Variants in C2CD5 observed in about 807,000 individuals in gnomAD.
C2CD5 encodes the protein C2 calcium dependent domain containing 5.
C2CD5 carries 109 observed loss-of-function variants against 130.3 expected under a neutral mutation model. The observed-to-expected ratio is 0.84, with a 90% CI of 0.72 to 0.98. The LOEUF is 0.98. C2CD5 is among the 50% of genes least tolerant of loss of function. C2CD5 has a pLI of 0.00. For missense variants in C2CD5, 996 were observed against 1,261.8 expected, an observed-to-expected ratio of 0.79 and a Z score of 3.19; for synonymous variants, 454 against 429.2, an observed-to-expected ratio of 1.06 and a Z score of -0.71.
chr12:22,520,889 G>GA (rs1190995387), intron 7 of C2CD5, among the ~76,000 whole-genome samples: 1 of 151,944 alleles, frequency 6.6e-6, no homozygotes, highest in Non-Finnish European at 1.5e-5. Context: ...AAAATAAAAT[G>GA]AAAAAACTAA....
At chr12:22,491,991 AAGTT>A (rs1310046568) in intron 11 of C2CD5, among the ~76,000 whole-genome samples, 1 of 152,218 alleles carries the variant, frequency 6.6e-6, no homozygotes, top group Non-Finnish European at 1.5e-5. Context: ...AAGCTTGACA[AAGTT>A]AGTAGTTAAC....
At chr12:22,489,326 A>G (rs939855255) in intron 12 of C2CD5, among the ~76,000 whole-genome samples, 17 of 151,612 alleles carry the variant, frequency 1.1e-4, no homozygotes, top group Admixed American at 1.1e-3. Context: ...GTATATATAT[A>G]TATATTTAAA....
rs1243898679 is a variant in C2CD5 at position 22,482,608 on chromosome 12, A to G, written c.1686T>C (p.Phe562=). 6.2e-7 allele frequency: 1 copy of G among 1,613,550 alleles called. No homozygotes were observed. The highest frequency in any genetic ancestry group is 1.3e-5 in the African/African-American group (1 of 74,926). ...KLKLKGMNAL[F]GLRIQITVGE... ...CCACTGTGATCTGAATTCTTAGTCC[A>G]AACAAAGCATTCATTCCTTTGAGTT... The change falls in exon 14 of 27, where the codon TTT becomes TTC. Residue 562 remains phenylalanine (F), a synonymous_variant. Coordinates refer to ENST00000446597, the MANE Select transcript of C2CD5 (RefSeq NM_001286176.2).
At position 22,490,253 on chromosome 12, in the gene C2CD5, T is replaced by C. The variant is rs765818901; in HGVS notation, c.1263-35A>G. The stretch of plus-strand genomic sequence containing the variant: ...AAAAAACACAAACAAGTTAACATTT[T>C]TCAGACCGTATAACTTTGGGAAATG... On this transcript the variant is annotated intron_variant, in intron 11 of 26. Coordinates refer to ENST00000446597, the MANE Select transcript of C2CD5 (RefSeq NM_001286176.2). 8 of 1,441,112 alleles carry C rather than the reference T, an allele frequency of 5.6e-6. No individual in the cohort carries two copies. The African/African-American group carries it at 1.1e-4, about 20-fold the overall frequency. 89.3% of individuals were successfully genotyped at this position (1,441,112 alleles called of 1,614,324 possible).
At chr12:22,458,623 G>GA in intron 23 of C2CD5, 38 bp from the exon 24 acceptor site, 3 of 925,648 alleles carry the variant, frequency 3.2e-6, no homozygotes, top group South Asian at 4.6e-5. Flanking sequence ...AAAAAACAAA[G>GA]AAAAAAATAT....
chr12:22,461,331 C>A (rs1051820577), intron 22 of C2CD5, among the ~76,000 whole-genome samples: 1 of 152,038 alleles, frequency 6.6e-6, no homozygotes, highest in African/African-American at 2.4e-5. Context: ...TTTTAAACTG[C>A]AGGGGAAAGA....
At chr12:22,492,735 T>C (rs952766169) in intron 11 of C2CD5, among the ~76,000 whole-genome samples, 2 of 152,152 alleles carry the variant, frequency 1.3e-5, no homozygotes, top group African/African-American at 4.8e-5. Context: ...CCCTTCCTAA[T>C]TTGTCAGTAT....
In C2CD5 at chr12:22,482,674, A is replaced by G; in HGVS notation, c.1620T>C (p.Phe540=). 6.2e-7 allele frequency: 1 copy of G among 1,613,392 alleles called. No homozygotes were observed. The highest frequency in any genetic ancestry group is 1.1e-5 in the South Asian group (1 of 91,062). ...NATAISNLLP[F]MEYEVHTQLM... ...GCTGAGTATGCACTTCATATTCCAT[A>G]AATGGCAAGAGATTACTGATAGCTG... The change falls in exon 14 of 27, where the codon TTT becomes TTC. Residue 540 remains phenylalanine (F), a synonymous_variant. Coordinates refer to ENST00000446597, the MANE Select transcript of C2CD5 (RefSeq NM_001286176.2).
In C2CD5 at chr12:22,513,806, T is replaced by C. The variant is rs552220777; in HGVS notation, c.953-427A>G. ...ATAGAGACAAAAGCACTACTTGTGC[T>C]CACTGAAAATATTCCAAAATTCTCT... is the stretch of plus-strand genomic sequence containing the variant. On this transcript the variant is annotated intron_variant, in intron 8 of 26. Transcript: ENST00000446597. Among the ~76,000 whole-genome samples, 97 of 152,242 alleles carry C rather than the reference T, an allele frequency of 6.4e-4. 3 individuals carry two copies. The South Asian group carries it at 0.02, about 31-fold the overall frequency.
In C2CD5 at chr12:22,472,320, A is replaced by C; in HGVS notation, c.2135T>G (p.Met712Arg). 6.6e-7 allele frequency: 1 copy of C among 1,509,762 alleles called. No homozygotes were observed. Among genetic ancestry groups the C allele is most frequent in the Non-Finnish European group, 9.1e-7 (1 of 1,101,750 alleles). The allele number at this position is 1,509,762 out of a possible 1,614,324, so 93.5% of individuals were successfully genotyped here. A position where few individuals can be genotyped will look rare whatever the true frequency, so the allele number is the denominator to read the frequency against. The change falls in exon 18 of 27, where the codon ATG becomes AGG. Residue 712 changes from methionine to arginine, a missense_variant. Coordinates refer to ENST00000446597, the MANE Select transcript of C2CD5 (RefSeq NM_001286176.2). ...SGFYSCNTEI[M>R]PGINNWTSEI... is the part of the protein sequence containing the mutation. ...AGAGGTCCAATTATTTATACCGGGC[A>C]TAATTTCTGTATTACAACTATAAAA...
rs73076611 is a variant in C2CD5 at position 22,467,051 on chromosome 12, C to T, written c.2533+2658G>A. 7.8e-3 allele frequency among the ~76,000 whole-genome samples: 1,187 copies of T among 152,338 alleles called. 5 individuals are homozygous for T. Among genetic ancestry groups the T allele is most frequent in the Non-Finnish European group, 0.012 (802 of 68,032 alleles). ...ACCCTCAATCCCATCCTTCTCTGCT[C>T]CCTTTCACTTTGCCTCCTGGCAGGC... On this transcript the variant is annotated intron_variant, in intron 22 of 26. Coordinates refer to ENST00000446597, the MANE Select transcript of C2CD5 (RefSeq NM_001286176.2).
chr12:22,540,530 CTAT>C (rs1316981202), intron 2 of C2CD5, among the ~76,000 whole-genome samples: 1 of 152,132 alleles, frequency 6.6e-6, no homozygotes, highest in Non-Finnish European at 1.5e-5. Flanking sequence ...TTCATGTTTT[CTAT>C]TATGGTCATG....
At chr12:22,494,113 A>G (rs562294696) in intron 10 of C2CD5, among the ~76,000 whole-genome samples, 1 of 152,152 alleles carries the variant, frequency 6.6e-6, no homozygotes, top group South Asian at 2.1e-4. Context: ...CATATTTCCT[A>G]ATCACTTGCA....
intron 10 of C2CD5, 41 bp downstream of exon 10, chr12:22,506,670 A>T (rs1015851878): frequency 9.1e-7 from 1 of 1,097,346 alleles, no homozygotes; most frequent in African/African-American, 1.6e-5. Flanking sequence ...TAATAACCAC[A>T]ATTTAAATAA....
At chr12:22,539,738 A>T (rs1015034206) in intron 2 of C2CD5, among the ~76,000 whole-genome samples, 19 of 152,276 alleles carry the variant, frequency 1.2e-4, no homozygotes, top group African/African-American at 4.6e-4. Context: ...TCATGCCTGT[A>T]ATCCCCGCAC....
chr12:22,464,422 T>C (rs1941721552), intron 22 of C2CD5, among the ~76,000 whole-genome samples: 2 of 152,174 alleles, frequency 1.3e-5, no homozygotes, highest in Non-Finnish European at 2.9e-5. Flanking sequence ...TGTCAGTAAC[T>C]CAATGCAATT....
chr12:22,472,886 T>G, intron 16 of C2CD5, 79 bp from the exon 17 acceptor site: 1 of 824,652 alleles, frequency 1.2e-6, no homozygotes, highest in South Asian at 1.6e-5. Flanking sequence ...ATTAATAGAG[T>G]CAAGAAAAGG....
chr12:22,529,901 T>C lies in C2CD5; in HGVS notation c.178-2009A>G, dbSNP rs557170042. ...ATGTGCTCACTGGAACTCCAGGTGC[T>C]AAACTGGAGCCAAAAGGACCTTGAA... On this transcript the variant is annotated intron_variant, in intron 3 of 26. Coordinates refer to ENST00000446597, the MANE Select transcript of C2CD5 (RefSeq NM_001286176.2). 3.4e-3 allele frequency among the ~76,000 whole-genome samples: 522 copies of C among 151,914 alleles called. 3 individuals are homozygous for C. Among genetic ancestry groups the C allele is most frequent in the African/African-American group, 0.012 (493 of 41,414 alleles).
rs1341957516 is a variant in C2CD5 at position 22,524,595 on chromosome 12, T to A, written c.478A>T (p.Ile160Leu). Reference sequence around the variant, plus strand: ...AGTTCTTCTACAAATCCATGAATTATCACAGCTCTATAGCATTTTGGAATA... The same window carrying A: ...AGTTCTTCTACAAATCCATGAATTAACACAGCTCTATAGCATTTTGGAATA... ...TSIPKCYRAV[I>L]IHGFVEELVV... Residue 160 changes from isoleucine to leucine, a missense_variant, in exon 6 of 27, where the codon ATA (isoleucine) becomes TTA (leucine). Coordinates refer to ENST00000446597, the MANE Select transcript of C2CD5 (RefSeq NM_001286176.2). 1.9e-6 allele frequency: 3 copies of A among 1,613,284 alleles called. No individual in the cohort carries two copies. The Admixed American group carries it at 5.0e-5, about 27-fold the overall frequency.
Sources: gnomAD v4.1 joint callset for allele counts (sites outside exome capture counted in the v4.1 genomes callset) on GRCh38, gnomAD v4.1.1 for gene constraint, MANE v1.5 for transcripts, NCBI Gene and HGNC (gene_info 2026-07-23, HGNC 2026-07-21) for gene names.